BACH1: variants seen among roughly 807,000 people sequenced by gnomAD.
BACH1 encodes BTB domain and CNC homolog 1, also known as transcription regulator protein BACH1.
A neutral mutation model predicts 52.9 loss-of-function variants in BACH1; 35 were observed. The observed-to-expected ratio is 0.66, with a 90% CI of 0.51 to 0.88. BACH1 has a LOEUF of 0.88. BACH1 is among the 40% of genes least tolerant of loss of function. BACH1 has a pLI of 0.00. For missense variants in BACH1, 808 were observed against 872.6 expected (o/e 0.93, Z 0.93); for synonymous variants, 321 against 319.6 (o/e 1.00, Z -0.05).
intron 2 of BACH1, 90 bp from the exon 3 acceptor site, chr21:29,325,969 A>C (rs1415562948): frequency 4.0e-6 from 5 of 1,235,718 alleles, no homozygotes; most frequent in Non-Finnish European, 5.4e-6. Context: ...AATAAGTTAC[A>C]TATCTCTCTA....
At chr21:29,360,806 C>G (rs1186191501) in intron 2 of BACH1, among the ~76,000 whole-genome samples, 1 of 149,942 alleles carries the variant, frequency 6.7e-6, no homozygotes. Context: ...GATGGCACCA[C>G]TGCACTCCAG....
intron 1 of BACH1, among the ~76,000 whole-genome samples, chr21:29,317,453 T>C (rs1179879225): frequency 6.6e-6 from 1 of 152,118 alleles, no homozygotes; most frequent in Admixed American, 6.5e-5. Context: ...AGAGTAGAAG[T>C]CCAGATAGTG....
At chr21:29,334,889 A>C (rs2089026456) in intron 4 of BACH1, among the ~76,000 whole-genome samples, 2 of 152,186 alleles carry the variant, frequency 1.3e-5, no homozygotes, top group Admixed American at 1.3e-4. Context: ...TGCTCAACCA[A>C]AGCGCACCCC....
chr21:29,360,943 C>G (rs553355936), intron 2 of BACH1: 8 of 152,126 alleles, frequency 5.3e-5, no homozygotes, highest in Middle Eastern at 6.9e-3. Flanking sequence ...CTTGTTTTCT[C>G]TCTTTGTAAT....
chr21:29,304,451 T>A (rs2088633920), intron 1 of BACH1, among the ~76,000 whole-genome samples: 2 of 152,212 alleles, frequency 1.3e-5, no homozygotes, highest in African/African-American at 4.8e-5. Flanking sequence ...TTCTTTCAGG[T>A]AAAGTTTTTT....
chr21:29,341,672 C>T (rs2089114827), intron 4 of BACH1, among the ~76,000 whole-genome samples: 1 of 152,186 alleles, frequency 6.6e-6, no homozygotes, highest in Non-Finnish European at 1.5e-5. Flanking sequence ...GAATTCTTCA[C>T]ACTTTAGTAA....
intron 1 of BACH1, among the ~76,000 whole-genome samples, chr21:29,301,405 C>G (rs114280653): frequency 0.025 from 3,883 of 152,302 alleles, 154 homozygotes; most frequent in African/African-American, 0.088. Flanking sequence ...AACATTCTTT[C>G]AACAACCGGA....
chr21:29,361,714 G>C (rs2089272944), intron 2 of BACH1: 1 of 152,168 alleles, frequency 6.6e-6, no homozygotes, highest in African/African-American at 2.4e-5. Context: ...CATAAACAAG[G>C]TCAGAGTATT....
At chr21:29,309,208 A>G (rs2088692130) in intron 1 of BACH1, among the ~76,000 whole-genome samples, 1 of 150,500 alleles carries the variant, frequency 6.6e-6, no homozygotes. Flanking sequence ...CAGTGAGCCA[A>G]GATTGTGCCA....
At chr21:29,314,547 C>T (rs147587984) in intron 1 of BACH1, among the ~76,000 whole-genome samples, 4 of 152,302 alleles carry the variant, frequency 2.6e-5, no homozygotes, top group South Asian at 2.1e-4. Context: ...TGGGACCTCA[C>T]ATGATGTTGT....
chr21:29,316,874 G>T (rs1153292), intron 1 of BACH1, among the ~76,000 whole-genome samples: 107,581 of 152,128 alleles, frequency 0.71, 39,248 homozygotes, highest in African/African-American at 0.87. Context: ...CCCTCAAGTC[G>T]CTGGAAAAGC....
At chr21:29,335,742 G>GCAAA (rs2089037080) in intron 4 of BACH1, among the ~76,000 whole-genome samples, 2 of 152,108 alleles carry the variant, frequency 1.3e-5, no homozygotes, top group African/African-American at 4.8e-5. Flanking sequence ...GTCAGTCTTT[G>GCAAA]CACCTCTATC....
chr21:29,322,098 G>A (rs918527156), intron 2 of BACH1, among the ~76,000 whole-genome samples: 6 of 152,166 alleles, frequency 3.9e-5, no homozygotes, highest in East Asian at 1.9e-4. Flanking sequence ...CATCTCGTGA[G>A]ACTTATTCAC....
chr21:29,348,084 C>T (rs16984002), downstream of BACH1, among the ~76,000 whole-genome samples: 1,897 of 152,222 alleles, frequency 0.012, 41 homozygotes, highest in African/African-American at 0.044. Context: ...CACCTGAGTT[C>T]GAAGTACAAA....
chr21:29,323,807 C>T (rs994955244), intron 2 of BACH1, among the ~76,000 whole-genome samples: 2 of 152,150 alleles, frequency 1.3e-5, no homozygotes, highest in African/African-American at 4.8e-5. Flanking sequence ...TAACATTTTG[C>T]AAAATTGTAG....
At chr21:29,339,332 C>T (rs1022602598) in intron 4 of BACH1, among the ~76,000 whole-genome samples, 2 of 152,044 alleles carry the variant, frequency 1.3e-5, no homozygotes, top group African/African-American at 2.4e-5. Flanking sequence ...CATGATATCT[C>T]GTGGTAGCTT....
chr21:29,323,311 T>C (rs915626720), intron 2 of BACH1, among the ~76,000 whole-genome samples: 1 of 152,100 alleles, frequency 6.6e-6, no homozygotes, highest in Non-Finnish European at 1.5e-5. Context: ...AGGAAGCTAG[T>C]AGTGGCCCAG....
chr21:29,361,300 C>T (rs564384391), intron 2 of BACH1: 1 of 152,294 alleles, frequency 6.6e-6, no homozygotes, highest in East Asian at 1.9e-4. Flanking sequence ...ACCTGCTCCA[C>T]CAACAATAAT....
chr21:29,326,442 A>T lies in BACH1; in HGVS notation c.618A>T (p.Thr206=), dbSNP rs371081000. 1 of 1,614,110 alleles carries T rather than the reference A, an allele frequency of 6.2e-7. No individual in the cohort carries two copies. The highest frequency in any genetic ancestry group is 8.5e-7 in the Non-Finnish European group (1 of 1,180,048). Residue 206 remains threonine, a synonymous_variant, in exon 3 of 5, where the codon ACA becomes ACT. Coordinates refer to ENST00000286800, the MANE Select transcript of BACH1 (RefSeq NM_001186.4). ...CTCTACAAGACAGTGCCAGTCAGACATATGAGTCCATGTGCTTAGAGAAGG... is the reference window on the plus strand; with the variant it reads ...CTCTACAAGACAGTGCCAGTCAGACTTATGAGTCCATGTGCTTAGAGAAGG... ...SPPLQDSASQ[T]YESMCLEKDA...
Sources: gnomAD v4.1 joint callset for allele counts (sites outside exome capture counted in the v4.1 genomes callset) on GRCh38, gnomAD v4.1.1 for gene constraint, MANE v1.5 for transcripts, NCBI Gene and HGNC (gene_info 2026-07-23, HGNC 2026-07-21) for gene names.